The following CAMK4 variants were observed in gnomAD, a reference collection of about 807,000 sequenced individuals.
The protein encoded by CAMK4 is calcium/calmodulin-dependent protein kinase type IV.
Under a neutral mutation model 44.9 loss-of-function variants are expected in CAMK4, and 22 were observed. That is an observed-to-expected ratio of 0.49 (90% CI 0.35 to 0.70). CAMK4 has a LOEUF of 0.70. Ranked by LOEUF, CAMK4 falls within the 30% of genes least tolerant of loss-of-function variation. The pLI, the probability that CAMK4 is intolerant of heterozygous loss-of-function variation, is 0.01. For synonymous variants in CAMK4, 218 were observed against 215.4 expected (o/e 1.01, Z -0.11); for missense variants, 498 against 586.8 (o/e 0.85, Z 1.56).
At chr5:111,292,892 G>T (rs1747333768) in intron 1 of CAMK4, among the ~76,000 whole-genome samples, 2 of 152,168 alleles carry the variant, frequency 1.3e-5, no homozygotes, top group Admixed American at 1.3e-4. Flanking sequence ...GATCACACCA[G>T]TGCACTTCAG....
chr5:111,427,579 G>A lies in CAMK4; in HGVS notation c.460-19107G>A, dbSNP rs80122436. ...TTCACGACAAGCTGACATAAGTTGG[G>A]CCTTAAGGGAACATTGGCAGTAGTT... On this transcript the variant is annotated intron_variant, in intron 5 of 10. Transcript: ENST00000282356. 4.3e-4 allele frequency among the ~76,000 whole-genome samples: 66 copies of A among 152,344 alleles called. No homozygotes were observed. In the East Asian group the frequency reaches 8.5e-3, roughly 20 times the overall value.
chr5:111,442,147 T>C (rs1753845843), intron 5 of CAMK4, among the ~76,000 whole-genome samples: 1 of 152,160 alleles, frequency 6.6e-6, no homozygotes, highest in Non-Finnish European at 1.5e-5. Context: ...CCCTGGAGGA[T>C]CCTGATATCC....
intron 1 of CAMK4, among the ~76,000 whole-genome samples, chr5:111,310,154 T>TC (rs139378062): frequency 0.028 from 4,251 of 152,208 alleles, 208 homozygotes; most frequent in African/African-American, 0.097. Flanking sequence ...ACTGTGCTCC[T>TC]CCGTCATGGC....
At chr5:111,373,025 G>A (rs980207909) in intron 2 of CAMK4, among the ~76,000 whole-genome samples, 7 of 152,136 alleles carry the variant, frequency 4.6e-5, no homozygotes, top group African/African-American at 1.7e-4. Flanking sequence ...TGGGATGTTT[G>A]TAAATATTTT....
chr5:111,394,813 TCTTAG>T, intron 5 of CAMK4, 31 bp downstream of exon 5: 1 of 1,312,140 alleles, frequency 7.6e-7, no homozygotes, highest in Non-Finnish European at 1.1e-6. Flanking sequence ...ATGGTGTAAC[TCTTAG>T]TCATCTCTTC....
intron 6 of CAMK4, among the ~76,000 whole-genome samples, chr5:111,448,287 G>C (rs1754099593): frequency 6.6e-6 from 1 of 152,208 alleles, no homozygotes; most frequent in Non-Finnish European, 1.5e-5. Flanking sequence ...TCTTATAAGT[G>C]AAATACATTG....
intron 2 of CAMK4, among the ~76,000 whole-genome samples, chr5:111,367,608 T>A (rs892007775): frequency 1.3e-5 from 2 of 152,108 alleles, no homozygotes; most frequent in African/African-American, 4.8e-5. Flanking sequence ...CAAGCAAGCA[T>A]ATGCCTAAAA....
chr5:111,436,836 G>A (rs1241349590), intron 5 of CAMK4, among the ~76,000 whole-genome samples: 1 of 152,170 alleles, frequency 6.6e-6, no homozygotes, highest in African/African-American at 2.4e-5. Context: ...ACTAACAGCT[G>A]AATTTTCAAC....
At chr5:111,402,311 A>G (rs559772543) in intron 5 of CAMK4, among the ~76,000 whole-genome samples, 3 of 152,352 alleles carry the variant, frequency 2.0e-5, no homozygotes, top group Non-Finnish European at 2.9e-5. Context: ...TAAATTGTAC[A>G]GGATGTTATT....
rs150155609 is a variant in CAMK4 at position 111,334,332 on chromosome 5, T to G, written c.162-9692T>G. The stretch of plus-strand genomic sequence containing the variant: ...TTTGTTGATTTTAAGGTTCAGACTT[T>G]TTTCCCTCTTGGTGACCAAAGAACA... On this transcript the variant is annotated intron_variant, in intron 1 of 10. Coordinates refer to ENST00000282356, the MANE Select transcript of CAMK4 (RefSeq NM_001744.6). 2.6e-3 allele frequency among the ~76,000 whole-genome samples: 395 copies of G among 151,612 alleles called. 1 individual carries two copies. The highest frequency in any genetic ancestry group is 4.5e-3 in the Non-Finnish European group (304 of 67,666).
At chr5:111,261,204 C>T (rs1398498543) in intron 1 of CAMK4, among the ~76,000 whole-genome samples, 7 of 152,176 alleles carry the variant, frequency 4.6e-5, no homozygotes, top group African/African-American at 7.2e-5. Context: ...CAGTACTTTC[C>T]ATACTCCTAT....
intron 5 of CAMK4, among the ~76,000 whole-genome samples, chr5:111,403,859 A>T (rs1029574753): frequency 6.6e-6 from 1 of 152,080 alleles, no homozygotes; most frequent in Admixed American, 6.5e-5. Flanking sequence ...GCCTACATGG[A>T]CTTCCCTCTT....
chr5:111,248,272 CTT>C (rs2112534010), intron 1 of CAMK4, among the ~76,000 whole-genome samples: 1 of 152,204 alleles, frequency 6.6e-6, no homozygotes, highest in Admixed American at 6.5e-5. Flanking sequence ...GTTATTAACT[CTT>C]GGGTTAATGA....
intron 5 of CAMK4, among the ~76,000 whole-genome samples, chr5:111,437,586 C>T (rs1482137160): frequency 2.0e-5 from 3 of 152,204 alleles, no homozygotes; most frequent in South Asian, 2.1e-4. Flanking sequence ...TAAGAGCTGA[C>T]ACATATGTTA....
intron 1 of CAMK4, among the ~76,000 whole-genome samples, chr5:111,251,020 G>A (rs935041819): frequency 2.0e-5 from 3 of 152,162 alleles, no homozygotes; most frequent in African/African-American, 7.2e-5. Context: ...AGCTGCCTTG[G>A]CTTTGTAAAT....
chr5:111,228,049 AGCCT>A (rs1374135819), intron 1 of CAMK4, among the ~76,000 whole-genome samples: 1 of 152,204 alleles, frequency 6.6e-6, no homozygotes, highest in Non-Finnish European at 1.5e-5. Flanking sequence ...GAAATGGCCC[AGCCT>A]GCTTGGTGGT....
At chr5:111,383,908 T>A (rs1304951200) in intron 4 of CAMK4, among the ~76,000 whole-genome samples, 1 of 152,180 alleles carries the variant, frequency 6.6e-6, no homozygotes, top group Non-Finnish European at 1.5e-5. Flanking sequence ...TGGAAGACTA[T>A]ATATGCTATG....
chr5:111,362,132 T>C (rs1011345203), intron 2 of CAMK4, among the ~76,000 whole-genome samples: 3 of 152,056 alleles, frequency 2.0e-5, no homozygotes, highest in Admixed American at 2.0e-4. Context: ...TCTTATTCAA[T>C]CCTTAAAACA....
chr5:111,457,468 C>T (rs574692562), intron 7 of CAMK4, among the ~76,000 whole-genome samples: 1 of 152,324 alleles, frequency 6.6e-6, no homozygotes, highest in African/African-American at 2.4e-5. Context: ...GTCTTGTCTT[C>T]CATTAGTGCC....
Sources: allele counts gnomAD v4.1 joint callset (sites outside exome capture counted in the v4.1 genomes callset), GRCh38; gene constraint gnomAD v4.1.1; transcripts MANE v1.5; gene names NCBI Gene and HGNC (gene_info 2026-07-23, HGNC 2026-07-21).